The following PPP2R2B variants were observed in gnomAD, a reference collection of about 807,000 sequenced individuals.
The protein encoded by PPP2R2B is protein phosphatase 2 regulatory subunit Bbeta.
Under a neutral mutation model 46.0 loss-of-function variants are expected in PPP2R2B, and 5 were observed. That is an observed-to-expected ratio of 0.11 (90% CI 0.06 to 0.23). The LOEUF is 0.23. PPP2R2B is among the 10% of genes least tolerant of loss of function. PPP2R2B has a pLI of 1.00. For synonymous variants in PPP2R2B, 215 were observed against 206.7 expected (o/e 1.04, Z -0.34); for missense variants, 367 against 575.0 (o/e 0.64, Z 3.70).
At chr5:146,655,359 G>A (rs1323338820) in intron 5 of PPP2R2B, among the ~76,000 whole-genome samples, 5 of 152,156 alleles carry the variant, frequency 3.3e-5, no homozygotes, top group Non-Finnish European at 5.9e-5. Flanking sequence ...AGAGTGGCAC[G>A]GCTTCCCCGC....
intron 5 of PPP2R2B, among the ~76,000 whole-genome samples, chr5:146,657,233 G>C (rs1045536195): frequency 2.9e-4 from 44 of 152,282 alleles, no homozygotes; most frequent in African/African-American, 9.4e-4. Context: ...GCCTTCATGA[G>C]AGGAGTTTTT....
At chr5:146,635,840 T>C (rs113201475) in intron 7 of PPP2R2B, among the ~76,000 whole-genome samples, 1 of 152,236 alleles carries the variant, frequency 6.6e-6, no homozygotes, top group African/African-American at 2.4e-5. Context: ...GGGGTTCATA[T>C]AATGTGACCA....
chr5:146,737,875 C>A (rs1296854680), intron 2 of PPP2R2B, among the ~76,000 whole-genome samples: 1 of 151,724 alleles, frequency 6.6e-6, no homozygotes, highest in Non-Finnish European at 1.5e-5. Flanking sequence ...AGGAGGTGGA[C>A]ATTGCAGTGA....
At chr5:146,984,424 T>A (rs1753326908) in intron 1 of PPP2R2B, among the ~76,000 whole-genome samples, 1 of 152,250 alleles carries the variant, frequency 6.6e-6, no homozygotes, top group Admixed American at 6.5e-5. Flanking sequence ...TTTCTTCTTT[T>A]TATAGACTAA....
In PPP2R2B at chr5:146,582,905, T is replaced by C. The variant is rs939851587; in HGVS notation, c.*7042A>G. The C allele has an allele frequency of 6.6e-6, 1 of 152,250 alleles. No individual in the cohort carries two copies. Among genetic ancestry groups the C allele is most frequent in the Admixed American group, 6.5e-5 (1 of 15,276 alleles). 9.4% of individuals were successfully genotyped at this position (152,250 alleles called of 1,614,324 possible). ...CATATTTCCTCATTTTAGTGCCTCA[T>C]AGCCTGGCTATTGGAGAAGCTCCTG... On this transcript the variant is annotated 3_prime_UTR_variant, in exon 10 of 10. Coordinates refer to ENST00000394411, the MANE Select transcript of PPP2R2B (RefSeq NM_181675.4).
chr5:146,996,587 G>A (rs1753932624), intron 1 of PPP2R2B, among the ~76,000 whole-genome samples: 1 of 152,154 alleles, frequency 6.6e-6, no homozygotes, highest in Non-Finnish European at 1.5e-5. Context: ...CTGTATGGAA[G>A]AATGATTTCA....
chr5:146,618,979 C>G (rs1773446833), intron 7 of PPP2R2B, among the ~76,000 whole-genome samples: 1 of 152,192 alleles, frequency 6.6e-6, no homozygotes, highest in Non-Finnish European at 1.5e-5. Flanking sequence ...TGGCTGATAG[C>G]CAACAGTCCT....
At chr5:146,979,902 GAA>G (rs1753088615) in intron 1 of PPP2R2B, among the ~76,000 whole-genome samples, 1 of 152,078 alleles carries the variant, frequency 6.6e-6, no homozygotes, top group Non-Finnish European at 1.5e-5. Flanking sequence ...ACAGATAACT[GAA>G]ACTCCAGAGA....
intron 7 of PPP2R2B, chr5:146,607,602 A>G (rs1772413315): frequency 6.6e-6 from 1 of 152,250 alleles, no homozygotes; most frequent in African/African-American, 2.4e-5. Context: ...ATAATTCTGC[A>G]TCTACTATAC....
chr5:146,695,519 A>ATT (rs1457058806), intron 4 of PPP2R2B, among the ~76,000 whole-genome samples: 1 of 152,230 alleles, frequency 6.6e-6, no homozygotes, highest in Non-Finnish European at 1.5e-5. Context: ...GTTCCTAACT[A>ATT]TAATAAGATA....
At chr5:147,061,325 G>T (rs1757250342) in intron 2 of PPP2R2B, among the ~76,000 whole-genome samples, 1 of 152,074 alleles carries the variant, frequency 6.6e-6, no homozygotes, top group Non-Finnish European at 1.5e-5. Flanking sequence ...GTCAGGGAAG[G>T]CTTCTTGGAG....
intron 8 of PPP2R2B, among the ~76,000 whole-genome samples, chr5:146,596,819 G>T (rs1581674234): frequency 6.6e-6 from 1 of 152,088 alleles, no homozygotes. Flanking sequence ...GGACCACAGG[G>T]GAAACAAAGC....
intron 2 of PPP2R2B, among the ~76,000 whole-genome samples, chr5:147,063,929 C>T (rs568064053): frequency 8.5e-5 from 13 of 152,260 alleles, no homozygotes; most frequent in Admixed American, 7.2e-4. Context: ...ACTTTTAACT[C>T]AGTTTTCCTC....
chr5:147,080,299 T>C (rs2151914652), intron 2 of PPP2R2B, among the ~76,000 whole-genome samples: 1 of 152,308 alleles, frequency 6.6e-6, no homozygotes, highest in Non-Finnish European at 1.5e-5. Flanking sequence ...ATACCACATC[T>C]GGAATCTAAA....
intron 5 of PPP2R2B, among the ~76,000 whole-genome samples, chr5:146,651,427 G>A (rs1775950307): frequency 6.6e-6 from 1 of 152,186 alleles, no homozygotes; most frequent in Admixed American, 6.5e-5. Context: ...TTCTCAGTAA[G>A]TATTTGTTGA....
intron 2 of PPP2R2B, among the ~76,000 whole-genome samples, chr5:146,775,887 A>T (rs1755151344): frequency 6.6e-6 from 1 of 152,168 alleles, no homozygotes; most frequent in African/African-American, 2.4e-5. Context: ...AATAGCATAA[A>T]AAATAATAAA....
chr5:146,621,760 T>C (rs1479005011), intron 7 of PPP2R2B, among the ~76,000 whole-genome samples: 1 of 152,242 alleles, frequency 6.6e-6, no homozygotes, highest in African/African-American at 2.4e-5. Context: ...TTGAGGCCAC[T>C]GTCCTCTGAT....
Position 146,730,931 on chromosome 5 carries a change from CTCTGCAT to C in PPP2R2B, c.71-29796_71-29790del, listed in dbSNP as rs1752191471. Reference sequence around the variant, plus strand: ...CCAGGAAATGTAGCCAAAAGATATTCTCTGCATTCCAAGAAGAAACCGATGAGGCCTT... The same window carrying C: ...CCAGGAAATGTAGCCAAAAGATATTCTCCAAGAAGAAACCGATGAGGCCTT... On this transcript the variant is annotated intron_variant, in intron 2 of 9. Coordinates refer to ENST00000394411, the MANE Select transcript of PPP2R2B (RefSeq NM_181675.4). Among the ~76,000 whole-genome samples, 3 of 152,182 alleles carry C rather than the reference CTCTGCAT, an allele frequency of 2.0e-5. No homozygotes were observed. The South Asian group carries it at 6.2e-4, about 31-fold the overall frequency.
Position 146,658,331 on chromosome 5 carries a change from T to C in PPP2R2B, c.448-7607A>G, listed in dbSNP as rs985710066. On this transcript the variant is annotated intron_variant, in intron 5 of 9. Coordinates refer to ENST00000394411, the MANE Select transcript of PPP2R2B (RefSeq NM_181675.4). ...TGGAAATTCCAGATTCCGGCCTCGC[T>C]TCAAATTTATCACCTTGCCTTTTCA... 2.6e-5 allele frequency among the ~76,000 whole-genome samples: 4 copies of C among 152,206 alleles called. No homozygotes were observed. The East Asian group carries it at 7.7e-4, about 29-fold the overall frequency.
Sources: gnomAD v4.1 joint callset for allele counts (sites outside exome capture counted in the v4.1 genomes callset) on GRCh38, gnomAD v4.1.1 for gene constraint, MANE v1.5 for transcripts, NCBI Gene and HGNC (gene_info 2026-07-23, HGNC 2026-07-21) for gene names.